Variants in RBMS3 observed in about 807,000 individuals in gnomAD.
The protein encoded by RBMS3 is RNA binding motif single stranded interacting protein 3.
Under a neutral mutation model 66.8 loss-of-function variants are expected in RBMS3, and 27 were observed. The ratio of observed to expected loss-of-function variants is 0.40; its 90% CI spans 0.30 to 0.56. The LOEUF (loss-of-function observed/expected upper bound fraction) is 0.56, where lower values mean the gene tolerates loss of function less well. Ranked by LOEUF, RBMS3 falls within the 20% of genes least tolerant of loss-of-function variation. The pLI is 0.40. For synonymous variants in RBMS3, 188 were observed against 183.0 expected (o/e 1.03, Z -0.22); for missense variants, 513 against 549.5 (o/e 0.93, Z 0.66).
intron 6 of RBMS3, among the ~76,000 whole-genome samples, chr3:29,855,939 C>T (rs1247047140): frequency 6.6e-6 from 1 of 152,016 alleles, no homozygotes; most frequent in Non-Finnish European, 1.5e-5. Flanking sequence ...AGACCCTATA[C>T]TCGAGAGACA....
At chr3:29,809,998 G>A (rs747538865) in intron 6 of RBMS3, among the ~76,000 whole-genome samples, 6 of 151,702 alleles carry the variant, frequency 4.0e-5, no homozygotes, top group Non-Finnish European at 5.9e-5. Flanking sequence ...ATATTGATCC[G>A]GTGTTTTAAG....
rs1419072260 is a variant in RBMS3 at position 29,295,299 on chromosome 3, ATATATC to A, written c.75+13549_75+13554del. Reference sequence around the variant, plus strand: ...TATATATATATATATATATATACATATATATCTATATATATACATATATATATACAC... The same window carrying A: ...TATATATATATATATATATATACATATATATATATACATATATATATACAC... On this transcript the variant is annotated intron_variant, in intron 1 of 14. Coordinates refer to ENST00000383767, the MANE Select transcript of RBMS3 (RefSeq NM_001003793.3). 6.4e-3 allele frequency among the ~76,000 whole-genome samples: 23 copies of A among 3,574 alleles called. 1 individual carries two copies. The highest frequency in any genetic ancestry group is 0.012 in the Admixed American group (5 of 414). The allele number at this position is 3,574 out of a possible 152,430, so 2.3% of individuals were successfully genotyped here.
At chr3:29,550,863 C>CACACAT (rs1439581705) in intron 3 of RBMS3, among the ~76,000 whole-genome samples, 1 of 152,206 alleles carries the variant, frequency 6.6e-6, no homozygotes, top group African/African-American at 2.4e-5. Context: ...AAGCAGCACA[C>CACACAT]ATCACTTCTG....
intron 5 of RBMS3, among the ~76,000 whole-genome samples, chr3:29,762,058 G>A (rs895844140): frequency 2.0e-5 from 3 of 151,996 alleles, no homozygotes; most frequent in Admixed American, 1.3e-4. Flanking sequence ...CTTAAGATAT[G>A]GTAACATTGC....
At chr3:29,300,334 G>C (rs2125444456) in intron 1 of RBMS3, among the ~76,000 whole-genome samples, 1 of 152,042 alleles carries the variant, frequency 6.6e-6, no homozygotes, top group South Asian at 2.1e-4. Flanking sequence ...TTTGAAAAGA[G>C]ATTAAAGTGT....
At chr3:29,618,508 A>T (rs1325527956) in intron 4 of RBMS3, among the ~76,000 whole-genome samples, 1 of 151,718 alleles carries the variant, frequency 6.6e-6, no homozygotes, top group African/African-American at 2.4e-5. Context: ...CTCTATCTCA[A>T]AAAAAGAAAG....
chr3:29,384,144 CA>C (rs2038896135), intron 1 of RBMS3, among the ~76,000 whole-genome samples: 1 of 151,888 alleles, frequency 6.6e-6, no homozygotes, highest in East Asian at 1.9e-4. Flanking sequence ...GGTGAAACAG[CA>C]TATCTACAAA....
At chr3:29,773,188 G>A (rs138934142) in intron 6 of RBMS3, among the ~76,000 whole-genome samples, 1 of 152,028 alleles carries the variant, frequency 6.6e-6, no homozygotes, top group East Asian at 1.9e-4. Flanking sequence ...CATAGACCAT[G>A]CTCACACCCC....
rs551344473 is a variant in RBMS3, at chr3:29,719,611, T to A, written c.400-20109T>A. ...AGATGTTTAATGGATATATCAAACTTAAAATATTCAAAGTAGAGTTGTAGA... is the reference window on the plus strand; with the variant it reads ...AGATGTTTAATGGATATATCAAACTAAAAATATTCAAAGTAGAGTTGTAGA... On this transcript the variant is annotated intron_variant, in intron 4 of 14. Transcript: ENST00000383767. Among the ~76,000 whole-genome samples, 149 of 152,254 alleles carry A rather than the reference T, an allele frequency of 9.8e-4. No individual in the cohort carries two copies. In the Middle Eastern group the frequency reaches 0.017, roughly 17 times the overall value.
At position 29,923,133 on chromosome 3, in the gene RBMS3, T is replaced by C. The variant is rs1414913162; in HGVS notation, c.940-12953T>C. 2.0e-5 allele frequency among the ~76,000 whole-genome samples: 3 copies of C among 152,284 alleles called. No homozygotes were observed. The East Asian group carries it at 5.8e-4, about 29-fold the overall frequency. On this transcript the variant is annotated intron_variant, in intron 10 of 14. Coordinates refer to ENST00000383767, the MANE Select transcript of RBMS3 (RefSeq NM_001003793.3). ...TTGTAACATACATCATAAAGAGAGC[T>C]TGTTTAGAGGCAGCCTACCTCCGCC...
At chr3:29,874,457 T>C (rs1187193459) in intron 7 of RBMS3, among the ~76,000 whole-genome samples, 1 of 152,226 alleles carries the variant, frequency 6.6e-6, no homozygotes, top group Non-Finnish European at 1.5e-5. Context: ...TGCTTGGCAA[T>C]TCGTTGTCCA....
intron 4 of RBMS3, among the ~76,000 whole-genome samples, chr3:29,726,414 A>C (rs1016526667): frequency 1.3e-5 from 2 of 152,158 alleles, no homozygotes; most frequent in Non-Finnish European, 2.9e-5. Context: ...AGAGGAAGTC[A>C]AATTGTCTCT....
intron 3 of RBMS3, among the ~76,000 whole-genome samples, chr3:29,528,360 G>A (rs2045219179): frequency 6.6e-6 from 1 of 152,006 alleles, no homozygotes; most frequent in Non-Finnish European, 1.5e-5. Flanking sequence ...TGATCTGCCT[G>A]CCTTGGCCTA....
intron 7 of RBMS3, among the ~76,000 whole-genome samples, chr3:29,873,914 A>G (rs1300930516): frequency 1.3e-5 from 2 of 152,154 alleles, no homozygotes; most frequent in Non-Finnish European, 2.9e-5. Flanking sequence ...TGTTGAACCA[A>G]CCCTGCATGC....
chr3:29,760,935 C>T (rs2028408), intron 5 of RBMS3, among the ~76,000 whole-genome samples: 72,032 of 151,212 alleles, frequency 0.48, 17,663 homozygotes, highest in African/African-American at 0.6. Flanking sequence ...ATTCTGAAGA[C>T]TTTTTTTTTC....
At chr3:29,556,866 T>G (rs1049772311) in intron 3 of RBMS3, among the ~76,000 whole-genome samples, 2 of 152,170 alleles carry the variant, frequency 1.3e-5, no homozygotes, top group Non-Finnish European at 2.9e-5. Flanking sequence ...CAGTGGCTCA[T>G]AATGACTGTC....
chr3:29,308,545 C>A (rs1168201948), intron 1 of RBMS3, among the ~76,000 whole-genome samples: 1 of 151,380 alleles, frequency 6.6e-6, no homozygotes, highest in African/African-American at 2.4e-5. Flanking sequence ...GATATAGGAA[C>A]CTGCCAGGGC....
chr3:29,997,137 C>T (rs1699300746), intron 14 of RBMS3, among the ~76,000 whole-genome samples: 1 of 151,772 alleles, frequency 6.6e-6, no homozygotes, highest in Admixed American at 6.6e-5. Context: ...ATACTACAAA[C>T]ACCTCTACGC....
At chr3:29,395,437 G>A (rs7636503) in intron 1 of RBMS3, among the ~76,000 whole-genome samples, 23,610 of 152,106 alleles carry the variant, frequency 0.16, 2,007 homozygotes, top group South Asian at 0.2. Context: ...TAAAATGGGG[G>A]TAATTCCTGT....
Sources: allele counts gnomAD v4.1 joint callset (sites outside exome capture counted in the v4.1 genomes callset), GRCh38; gene constraint gnomAD v4.1.1; transcripts MANE v1.5; gene names NCBI Gene and HGNC (gene_info 2026-07-23, HGNC 2026-07-21).